PRKCH: variants seen among roughly 807,000 people sequenced by gnomAD.
PRKCH encodes the protein protein kinase C eta type.
In PRKCH, 28 loss-of-function variants were observed where a neutral mutation model predicts 82.5. That is an observed-to-expected ratio of 0.34 (90% CI 0.25 to 0.47). PRKCH has a LOEUF of 0.47. Ranked by LOEUF, PRKCH falls within the 20% of genes least tolerant of loss-of-function variation. The pLI is 1.00. For missense variants in PRKCH, 705 were observed against 881.8 expected, an observed-to-expected ratio of 0.80 and a Z score of 2.54; for synonymous variants, 322 against 327.4, an observed-to-expected ratio of 0.98 and a Z score of 0.18.
At chr14:61,478,056 C>T (rs115805270) in intron 9 of PRKCH, among the ~76,000 whole-genome samples, 1,855 of 152,334 alleles carry the variant, frequency 0.012, 32 homozygotes, top group African/African-American at 0.042. Context: ...ATGCATCAGG[C>T]CCTTTGGAGC....
intron 1 of PRKCH, among the ~76,000 whole-genome samples, chr14:61,283,534 T>C (rs2045289723): frequency 6.6e-6 from 1 of 151,954 alleles, no homozygotes; most frequent in East Asian, 1.9e-4. Flanking sequence ...TCTTTTTTTA[T>C]TTTTATTTTT....
At position 61,445,805 on chromosome 14, in the gene PRKCH, A is replaced by G. The variant is rs150137185; in HGVS notation, c.613+79A>G. 470 of 1,388,158 alleles carry G rather than the reference A, an allele frequency of 3.4e-4. 3 individuals carry two copies. The African/African-American group carries it at 6.3e-3, about 19-fold the overall frequency. 86.0% of individuals were successfully genotyped at this position (1,388,158 alleles called of 1,614,324 possible). The stretch of plus-strand genomic sequence containing the variant: ...TGATTATACCAAGAGAAAACAGGGT[A>G]TCTTCCCTTAATATTGTGATAAATA... On this transcript the variant is annotated intron_variant, in intron 4 of 13. Transcript: ENST00000332981.
At chr14:61,388,147 C>CAA (rs569642184) in intron 1 of PRKCH, among the ~76,000 whole-genome samples, 25 of 87,806 alleles carry the variant, frequency 2.8e-4, no homozygotes, top group South Asian at 1.3e-3. Context: ...GACTCTGTCT[C>CAA]AAAAAAAAAA....
intron 1 of PRKCH, among the ~76,000 whole-genome samples, chr14:61,354,369 T>C (rs1340388647): frequency 6.6e-6 from 1 of 151,834 alleles, no homozygotes; most frequent in Non-Finnish European, 1.5e-5. Context: ...GTCACTGGTT[T>C]ACATAATTTA....
At chr14:61,483,548 A>AT (rs1050007173) in intron 9 of PRKCH, among the ~76,000 whole-genome samples, 26 of 151,640 alleles carry the variant, frequency 1.7e-4, no homozygotes, top group Admixed American at 5.3e-4. Flanking sequence ...AATTCAGGGG[A>AT]TTTTTTTTTC....
At chr14:61,482,918 ACT>A (rs2140326488) in intron 9 of PRKCH, among the ~76,000 whole-genome samples, 1 of 151,510 alleles carries the variant, frequency 6.6e-6, no homozygotes, top group Middle Eastern at 3.4e-3. Flanking sequence ...CTGCCTTAAA[ACT>A]CTTGCCAAGT....
rs570053967 is a variant in PRKCH, at chr14:61,549,944, C to T, written c.*113C>T. 1 of 1,177,714 alleles carries T rather than the reference C, an allele frequency of 8.5e-7. No individual in the cohort carries two copies. Among genetic ancestry groups the T allele is most frequent in the Non-Finnish European group, 1.2e-6 (1 of 842,952 alleles). The allele number at this position is 1,177,714 out of a possible 1,614,324, so 73.0% of individuals were successfully genotyped here. On this transcript the variant is annotated 3_prime_UTR_variant, in exon 14 of 14. Transcript: ENST00000332981. ...AGCCTTAGAACAAGAACCTTACCTT[C>T]AAGGAGCAAGTGAAGAACTCTGTGA...
chr14:61,530,673 A>T lies in PRKCH; in HGVS notation c.1761+78A>T, dbSNP rs567595305. 29 of 1,364,648 alleles carry T rather than the reference A, an allele frequency of 2.1e-5. No individual in the cohort carries two copies. The South Asian group carries it at 4.4e-4, about 21-fold the overall frequency. The allele number at this position is 1,364,648 out of a possible 1,614,324, so 84.5% of individuals were successfully genotyped here. A position where few individuals can be genotyped will look rare whatever the true frequency, so the allele number is the denominator to read the frequency against. ...CATGTGCTGCTTGAGTCTTTTCAGT[A>T]CTTCCCACCAGTAAACCACTAGCTC... On this transcript the variant is annotated intron_variant, in intron 12 of 13. Transcript: ENST00000332981.
At chr14:61,210,815 C>T (rs936319089) in intron 1 of PRKCH, among the ~76,000 whole-genome samples, 9 of 142,152 alleles carry the variant, frequency 6.3e-5, no homozygotes, top group South Asian at 4.8e-4. Context: ...TGTGTGTGTG[C>T]GTGCACGCGT....
At chr14:61,289,786 C>T (rs532916138) in intron 1 of PRKCH, among the ~76,000 whole-genome samples, 1 of 152,242 alleles carries the variant, frequency 6.6e-6, no homozygotes, top group South Asian at 2.1e-4. Context: ...AGAGTGAAGG[C>T]AGAAGGAATA....
At chr14:61,261,336 G>C (rs1473033277) in intron 1 of PRKCH, among the ~76,000 whole-genome samples, 1 of 152,214 alleles carries the variant, frequency 6.6e-6, no homozygotes, top group Non-Finnish European at 1.5e-5. Context: ...CGCTGTATGA[G>C]AAACAGATGT....
chr14:61,466,576 C>A (rs12101078), intron 9 of PRKCH, among the ~76,000 whole-genome samples: 1 of 152,086 alleles, frequency 6.6e-6, no homozygotes, highest in Non-Finnish European at 1.5e-5. Flanking sequence ...AGGCTTTGTT[C>A]GGAGACCCAG....
chr14:61,457,271 C>G lies in PRKCH; in HGVS notation c.1056C>G (p.Ile352Met). ...IGVNSSNRLG[I>M]DNFEFIRVLG... Reference sequence around the variant, plus strand: ...TTAATTCTTCCAACCGACTTGGTATCGACAACTTTGAGTTCATCCGAGTGT... The same window carrying G: ...TTAATTCTTCCAACCGACTTGGTATGGACAACTTTGAGTTCATCCGAGTGT... Residue 352 changes from isoleucine to methionine, a missense_variant, in exon 8 of 14, where the codon ATC becomes ATG. Coordinates refer to ENST00000332981, the MANE Select transcript of PRKCH (RefSeq NM_006255.5). The G allele has an allele frequency of 6.2e-7, 1 of 1,614,124 alleles. No individual in the cohort carries two copies. The highest frequency in any genetic ancestry group is 8.5e-7 in the Non-Finnish European group (1 of 1,180,032).
chr14:61,449,092 G>C (rs1884365385), intron 4 of PRKCH, 72 bp from the exon 5 acceptor site: 2 of 1,421,648 alleles, frequency 1.4e-6, no homozygotes, highest in East Asian at 2.3e-5. Context: ...GTGCAGCCCT[G>C]GTTGACTCTG....
chr14:61,376,206 C>A (rs2046426547), intron 1 of PRKCH, among the ~76,000 whole-genome samples: 1 of 152,042 alleles, frequency 6.6e-6, no homozygotes, highest in Non-Finnish European at 1.5e-5. Context: ...AAGGTCTGCT[C>A]AGGGTAGCCA....
At chr14:61,240,230 C>G (rs1040794030) in intron 1 of PRKCH, among the ~76,000 whole-genome samples, 2 of 152,176 alleles carry the variant, frequency 1.3e-5, no homozygotes, top group Non-Finnish European at 2.9e-5. Context: ...AAGAAAACAG[C>G]TCCCCTGTAC....
At chr14:61,513,578 G>A (rs777098818) in intron 10 of PRKCH, among the ~76,000 whole-genome samples, 1 of 152,038 alleles carries the variant, frequency 6.6e-6, no homozygotes, top group African/African-American at 2.4e-5. Flanking sequence ...TCCTTTTTCA[G>A]TCCGTTTAGG....
chr14:61,505,655 A>T (rs1887117917), intron 10 of PRKCH, among the ~76,000 whole-genome samples: 1 of 151,932 alleles, frequency 6.6e-6, no homozygotes, highest in East Asian at 1.9e-4. Context: ...GATTAGGAGC[A>T]TGAGCCACCA....
At chr14:61,404,514 G>C (rs1004167317) in intron 2 of PRKCH, among the ~76,000 whole-genome samples, 1 of 120,730 alleles carries the variant, frequency 8.3e-6, no homozygotes, top group East Asian at 2.7e-4. Flanking sequence ...CTATGTAATG[G>C]ATGTATATAT....
Sources: allele counts gnomAD v4.1 joint callset (sites outside exome capture counted in the v4.1 genomes callset), GRCh38; gene constraint gnomAD v4.1.1; transcripts MANE v1.5; gene names NCBI Gene and HGNC (gene_info 2026-07-23, HGNC 2026-07-21).